Variants in MAP1A observed in about 807,000 individuals in gnomAD.
MAP1A encodes microtubule associated protein 1A, also known as microtubule-associated protein 1A.
MAP1A carries 42 observed loss-of-function variants against 185.9 expected under a neutral mutation model. That is an observed-to-expected ratio of 0.23 (90% confidence interval 0.18 to 0.29). The LOEUF is 0.29. Ranked by LOEUF, MAP1A falls within the 10% of genes least tolerant of loss-of-function variation. The pLI, the probability that MAP1A is intolerant of heterozygous loss-of-function variation, is 1.00. For synonymous variants in MAP1A, 1,229 were observed against 1,335.9 expected (o/e 0.92, Z 1.74); for missense variants, 2,995 against 3,450.4 (o/e 0.87, Z 3.31).
At chr15:43,519,812 T>C (rs1329875521) in intron 1 of MAP1A, among the ~76,000 whole-genome samples, 2 of 152,322 alleles carry the variant, frequency 1.3e-5, no homozygotes, top group Non-Finnish European at 2.9e-5. Flanking sequence ...TCACTCCCCA[T>C]GCCCGTGGTA....
In MAP1A at chr15:43,525,027, G is replaced by C; in HGVS notation, c.3554G>C (p.Arg1185Pro). 1 of 1,614,112 alleles carries C rather than the reference G, an allele frequency of 6.2e-7. No homozygotes were observed. Among genetic ancestry groups the C allele is most frequent in the Non-Finnish European group, 8.5e-7 (1 of 1,180,028 alleles). ...ACAGAACAGTACCTACACAAAGACC[G>C]TTGGCCAGAGGTATCTCCAGAAGAC... The part of the protein sequence containing the change: ...GLTEQYLHKD[R>P]WPEVSPEDTQ... Residue 1185 changes from arginine to proline, a missense_variant, in exon 4 of 6, where the codon CGT (arginine) becomes CCT (proline). This residue lies in a region of MAP1A where 2,728 missense variants were observed against 2,986.0 expected (regional missense o/e 0.91). Transcript: ENST00000300231.
At chr15:43,514,291 C>T (rs1162412981), upstream of MAP1A, among the ~76,000 whole-genome samples, 1 of 152,298 alleles carries the variant, frequency 6.6e-6, no homozygotes, top group East Asian at 1.9e-4. Flanking sequence ...AGAGAATTTC[C>T]TGGAAAAACC....
exon 1 of MAP1A, chr15:43,510,982 T>A: frequency 6.5e-7 from 1 of 1,529,852 alleles, no homozygotes; most frequent in Non-Finnish European, 8.8e-7. Flanking sequence ...ACTCCGCGGG[T>A]GTTTCCATGG....
rs751078754 is a variant in MAP1A at position 43,523,431 on chromosome 15, T to C, written c.1958T>C (p.Ile653Thr). ...ESEPEVKEDV[I>T]EKAELEEMEE... ...GAACCTGAAGTAAAGGAGGATGTGA[T>C]AGAAAAGGCTGAGTTAGAAGAAATG... is the stretch of plus-strand genomic sequence containing the variant. The change falls in exon 4 of 6, where the codon ATA becomes ACA. Residue 653 changes from isoleucine (I) to threonine (T), a missense_variant. By Grantham distance (89) the Ile-to-Thr change is moderately conservative. Coordinates refer to ENST00000300231, the MANE Select transcript of MAP1A (RefSeq NM_002373.6). The C allele has an allele frequency of 2.5e-6, 4 of 1,613,538 alleles. No homozygotes were observed. Among genetic ancestry groups the C allele is most frequent in the Admixed American group, 3.3e-5 (2 of 59,970 alleles).
In MAP1A at chr15:43,528,262, T is replaced by C; in HGVS notation, c.6789T>C (p.Ala2263=). The change falls in exon 4 of 6, where the codon GCT becomes GCC. Residue 2263 remains alanine, a synonymous_variant. Coordinates refer to ENST00000300231, the MANE Select transcript of MAP1A (RefSeq NM_002373.6). ...PALSEGSSSE[A]TTPVISSVAE... ...TGTCTGAGGGCTCCTCCTCTGAGGC[T>C]ACCACGCCTGTGATTTCAAGTGTGG... The C allele has an allele frequency of 6.2e-7, 1 of 1,614,074 alleles. No homozygotes were observed. Among genetic ancestry groups the C allele is most frequent in the Middle Eastern group, 1.6e-4 (1 of 6,062 alleles).
Position 43,512,291 on chromosome 15 carries a change from G to A in MAP1A, c.340G>A (p.Gly114Ser), listed in dbSNP as rs1178974346. The change falls in exon 2 of 7, where the codon GGC becomes AGC. Residue 114 changes from glycine (G) to serine (S), a missense_variant and splice_region_variant. Gly to Ser is a moderately conservative substitution (Grantham distance 56). Coordinates refer to the MAP1A transcript ENST00000382031. ...AGCTCACTTCTCCTCAGAGGTCAAA[G>A]GTTAGGACTAATGTTTTATTTCAGT... The A allele has an allele frequency of 4.6e-6, 7 of 1,525,596 alleles. No homozygotes were observed. The Middle Eastern group carries it at 5.1e-4, about 110-fold the overall frequency. The allele number at this position is 1,525,596 out of a possible 1,614,324, so 94.5% of individuals were successfully genotyped here.
chr15:43,524,072 C>T lies in MAP1A; in HGVS notation c.2599C>T (p.Leu867=), dbSNP rs912496613. Residue 867 remains leucine (L), a synonymous_variant, in exon 4 of 6, where the codon CTG becomes TTG. Transcript: ENST00000300231. ...GACAGAGGAGACAGGCAAGAGCTCC[C>T]TGCTGCTTGACACAGTCACAAGCAT... ...PQTEETGKSS[L]LLDTVTSIPS... is the part of the protein sequence containing the mutation. The T allele has an allele frequency of 6.2e-7, 1 of 1,614,102 alleles. No homozygotes were observed. Among genetic ancestry groups the T allele is most frequent in the Non-Finnish European group, 8.5e-7 (1 of 1,180,028 alleles).
rs545171829 is a variant in MAP1A at position 43,528,505 on chromosome 15, G to A, written c.7032G>A (p.Thr2344=). 1.3e-5 allele frequency: 21 copies of A among 1,613,550 alleles called. No homozygotes were observed. Among genetic ancestry groups the A allele is most frequent in the African/African-American group, 1.1e-4 (8 of 75,064 alleles). Residue 2344 remains threonine (T), a synonymous_variant, in exon 4 of 6, where the codon ACG becomes ACA. Transcript: ENST00000300231. ...PCHLECSEAA[T]EKPSPFQVPS... is the part of the protein sequence containing the mutation. ...ACCTGGAGTGCTCAGAGGCAGCCAC[G>A]GAGAAGCCAAGCCCCTTCCAGGTTC...
chr15:43,530,137 GCAA>G lies in MAP1A; in HGVS notation c.8330_8332del (p.Gln2777del). 6.2e-7 allele frequency: 1 copy of G among 1,614,208 alleles called. No homozygotes were observed. The highest frequency in any genetic ancestry group is 1.1e-5 in the South Asian group (1 of 91,088). On this transcript the variant is annotated inframe_deletion, in exon 6 of 6. Transcript: ENST00000300231. ...GGTACCAACAAACTCATGAGCAGCA[GCAA>G]CAACTGAATGTCCTGGTCCTGGCTA...
upstream of MAP1A, among the ~76,000 whole-genome samples, chr15:43,517,087 G>A (rs1368454748): frequency 6.6e-6 from 1 of 152,064 alleles, no homozygotes; most frequent in Middle Eastern, 3.2e-3. Flanking sequence ...TGCCCTCCTT[G>A]GTTTCTGTAG....
rs2079369331 is a variant in MAP1A at position 43,530,968 on chromosome 15, T to TC, written c.*746dup. 1 of 152,768 alleles carries TC rather than the reference T, an allele frequency of 6.5e-6. No individual in the cohort carries two copies. 9.5% of individuals were successfully genotyped at this position (152,768 alleles called of 1,614,324 possible). A position where few individuals can be genotyped will look rare whatever the true frequency, so the allele number is the denominator to read the frequency against. Reference sequence around the variant, plus strand: ...GCCCAAGCCCCAATGCCAGAATTCTTCCAAACTCCCTGACTCTTTGAAGTT... The same window carrying TC: ...GCCCAAGCCCCAATGCCAGAATTCTTCCCAAACTCCCTGACTCTTTGAAGTT... On this transcript the variant is annotated 3_prime_UTR_variant, in exon 6 of 6. Coordinates refer to ENST00000300231, the MANE Select transcript of MAP1A (RefSeq NM_002373.6).
Position 43,523,299 on chromosome 15 carries a change from G to A in MAP1A, c.1826G>A (p.Gly609Asp), listed in dbSNP as rs2079327728. 1.9e-6 allele frequency: 3 copies of A among 1,612,644 alleles called. No individual in the cohort carries two copies. The Admixed American group carries it at 5.0e-5, about 27-fold the overall frequency. ...VPEEQGSKDR[G>D]LDSGAETEEE... ...GAGGAACAAGGCAGCAAGGACAGAG[G>A]CCTAGACTCTGGGGCTGAAACAGAG... is the stretch of plus-strand genomic sequence containing the variant. Residue 609 changes from glycine (G) to aspartate (D), a missense_variant, in exon 4 of 6, where the codon GGC (glycine) becomes GAC (aspartate). Around this residue, in one of 3 missense-constraint regions of MAP1A, gnomAD observed 2,728 missense variants for 2,986.0 expected, o/e 0.91. Coordinates refer to ENST00000300231, the MANE Select transcript of MAP1A (RefSeq NM_002373.6).
rs2079353592 is a variant in MAP1A, at chr15:43,528,048, G to T, written c.6575G>T (p.Gly2192Val). ...SPAEPRSAPCGSLAFSGDRAL... is the reference protein window; with the variant it reads ...SPAEPRSAPCVSLAFSGDRAL... ...GCTGAACCCCGCTCGGCACCCTGTG[G>T]CTCCCTTGCCTTCTCTGGGGATCGA... The change falls in exon 4 of 6, where the codon GGC (glycine) becomes GTC (valine). Residue 2192 changes from glycine (G) to valine (V), a missense_variant. Gly to Val is a moderately radical substitution (Grantham distance 109, BLOSUM62 -3). This residue lies in a region of MAP1A where 2,728 missense variants were observed against 2,986.0 expected (regional missense o/e 0.91). Transcript: ENST00000300231. 4 of 1,613,762 alleles carry T rather than the reference G, an allele frequency of 2.5e-6. No individual in the cohort carries two copies. Among genetic ancestry groups the T allele is most frequent in the Non-Finnish European group, 3.4e-6 (4 of 1,180,022 alleles).
chr15:43,516,349 G>C (rs183157407), upstream of MAP1A, among the ~76,000 whole-genome samples: 7 of 152,146 alleles, frequency 4.6e-5, no homozygotes, highest in Admixed American at 1.3e-4. Context: ...TGCAATTAAG[G>C]GGGGATGGGG....
rs769362776 is a variant in MAP1A, at chr15:43,522,790, GAAGAAGGATGCC to G, written c.1326_1337del (p.Asp442_Lys445del). ...AGAAGGATGAAGGAAGGAAGGAGGA[GAAGAAGGATGCC>G]AAGAAGGAGGAGAAGAGGAAAGATA... is the stretch of plus-strand genomic sequence containing the variant. On this transcript the variant is annotated inframe_deletion, in exon 4 of 6. Transcript: ENST00000300231. The surrounding 1 kb of genome is among the most constrained non-coding windows in gnomAD (Gnocchi z 5.9). 5 of 1,563,558 alleles carry G rather than the reference GAAGAAGGATGCC, an allele frequency of 3.2e-6. No individual in the cohort carries two copies. The South Asian group carries it at 5.8e-5, about 18-fold the overall frequency.
Position 43,521,270 on chromosome 15 carries a change from C to T in MAP1A, c.-150-54C>T. On this transcript the variant is annotated intron_variant, in intron 3 of 5. Transcript: ENST00000300231. The surrounding 1 kb of genome is among the most constrained non-coding windows in gnomAD (Gnocchi z 4.6). ...GAAGATTAGGGTACTGAATCTAAGT[C>T]AGACCAAAACAACTCTAGTGACCTG... 1 of 1,508,544 alleles carries T rather than the reference C, an allele frequency of 6.6e-7. No homozygotes were observed. Among genetic ancestry groups the T allele is most frequent in the Non-Finnish European group, 8.8e-7 (1 of 1,131,496 alleles). 93.4% of individuals were successfully genotyped at this position (1,508,544 alleles called of 1,614,324 possible). A position where few individuals can be genotyped will look rare whatever the true frequency, so the allele number is the denominator to read the frequency against.
chr15:43,522,682 G>A lies in MAP1A; in HGVS notation c.1209G>A (p.Lys403=). 2.5e-6 allele frequency: 4 copies of A among 1,609,308 alleles called. No homozygotes were observed. Among genetic ancestry groups the A allele is most frequent in the Non-Finnish European group, 3.4e-6 (4 of 1,177,824 alleles). ...RKLIKDKVGK[K]HLKEKISKLE... Reference sequence around the variant, plus strand: ...TGATCAAAGACAAGGTAGGGAAAAAGCACCTTAAAGAAAAGATATCAAAGC... The same window carrying A: ...TGATCAAAGACAAGGTAGGGAAAAAACACCTTAAAGAAAAGATATCAAAGC... Residue 403 remains lysine, a synonymous_variant, in exon 4 of 6, where the codon AAG becomes AAA. Coordinates refer to ENST00000300231, the MANE Select transcript of MAP1A (RefSeq NM_002373.6). The surrounding 1 kb of genome is among the most constrained non-coding windows in gnomAD (Gnocchi z 5.9).
chr15:43,518,812 A>T (rs1156924281), intron 1 of MAP1A, among the ~76,000 whole-genome samples: 1 of 151,212 alleles, frequency 6.6e-6, no homozygotes, highest in Non-Finnish European at 1.5e-5. Context: ...CCCTTCAGTG[A>T]GAGAGCCAGG....
Position 43,522,057 on chromosome 15 carries a change from T to G in MAP1A, c.584T>G (p.Val195Gly). 6.2e-7 allele frequency: 1 copy of G among 1,614,164 alleles called. No homozygotes were observed. Among genetic ancestry groups the G allele is most frequent in the Non-Finnish European group, 8.5e-7 (1 of 1,180,024 alleles). The change falls in exon 4 of 6, where the codon GTG becomes GGG. Residue 195 changes from valine (V) to glycine (G), a missense_variant. Physicochemically the swap from Val to Gly is moderately radical, Grantham distance 109. Coordinates refer to ENST00000300231, the MANE Select transcript of MAP1A (RefSeq NM_002373.6). The surrounding 1 kb of genome is among the most constrained non-coding windows in gnomAD (Gnocchi z 5.9). Reference protein sequence around the residue: ...EPLTLFHKMGVGRLDMYVLNP... With the variant: ...EPLTLFHKMGGGRLDMYVLNP... ...CTGACCCTCTTCCACAAAATGGGTG[T>G]GGGCCGGCTGGACATGTATGTCCTC...
Sources: gnomAD v4.1 joint callset for allele counts (sites outside exome capture counted in the v4.1 genomes callset) on GRCh38, gnomAD v4.1.1 for gene constraint, gnomAD v4.1.1 regional missense constraint, Gnocchi (gnomAD v3.1) non-coding constraint, MANE v1.5 for transcripts, NCBI Gene and HGNC (gene_info 2026-07-23, HGNC 2026-07-21) for gene names.